The following FAT3 variants were observed in gnomAD, a reference collection of about 807,000 sequenced individuals.
FAT3 encodes FAT atypical cadherin 3, also known as protocadherin Fat 3.
In FAT3, 95 loss-of-function variants were observed where a neutral mutation model predicts 310.2. The ratio of observed to expected loss-of-function variants is 0.31; its 90% confidence interval spans 0.26 to 0.36. The LOEUF (loss-of-function observed/expected upper bound fraction) is 0.36. FAT3 is among the 10% of genes least tolerant of loss of function. The pLI is 1.00. For synonymous variants in FAT3, 2,314 were observed against 2,192.9 expected (o/e 1.06, Z -1.54); for missense variants, 5,408 against 5,715.6 (o/e 0.95, Z 1.74).
At chr11:92,494,506 G>A (rs760183783) in intron 2 of FAT3, among the ~76,000 whole-genome samples, 20 of 151,988 alleles carry the variant, frequency 1.3e-4, no homozygotes, top group Non-Finnish European at 2.8e-4. Flanking sequence ...TGATCACCAT[G>A]TATAAACTAC....
intron 1 of FAT3, among the ~76,000 whole-genome samples, chr11:92,316,292 G>T (rs1947459513): frequency 6.6e-6 from 1 of 152,116 alleles, no homozygotes; most frequent in East Asian, 1.9e-4. Flanking sequence ...TCACTGAAAA[G>T]GAGTGAGATT....
At chr11:92,280,119 T>C (rs1412678443) in intron 1 of FAT3, among the ~76,000 whole-genome samples, 1 of 152,168 alleles carries the variant, frequency 6.6e-6, no homozygotes, top group East Asian at 1.9e-4. Flanking sequence ...ACTATATTGT[T>C]GAACTAGTGC....
chr11:92,776,272 A>G (rs949429068), intron 7 of FAT3, among the ~76,000 whole-genome samples: 5 of 152,242 alleles, frequency 3.3e-5, no homozygotes, highest in African/African-American at 9.6e-5. Context: ...AATGAATAGT[A>G]GATACATATT....
At chr11:92,569,435 T>C (rs1955593246) in intron 3 of FAT3, among the ~76,000 whole-genome samples, 1 of 152,108 alleles carries the variant, frequency 6.6e-6, no homozygotes, top group Non-Finnish European at 1.5e-5. Flanking sequence ...TATCAGGCTT[T>C]TGTTTGTTTT....
chr11:92,426,280 G>A (rs1466862830), intron 2 of FAT3, among the ~76,000 whole-genome samples: 2 of 151,908 alleles, frequency 1.3e-5, no homozygotes, highest in Admixed American at 1.3e-4. Flanking sequence ...CTGGATATTA[G>A]CCCTTTGTCA....
chr11:92,239,132 T>A (rs935651403), intron 1 of FAT3, among the ~76,000 whole-genome samples: 14 of 152,102 alleles, frequency 9.2e-5, no homozygotes, highest in African/African-American at 3.4e-4. Context: ...CTAAGTGACT[T>A]GCCCAAGGTA....
rs529931374 is a variant in FAT3 at position 92,570,841 on chromosome 11, A to G, written c.3607+45893A>G. Among the ~76,000 whole-genome samples the G allele has an allele frequency of 3.9e-5, 6 of 152,296 alleles. No individual in the cohort carries two copies. In the South Asian group the frequency reaches 1.2e-3, roughly 32 times the overall value. On this transcript the variant is annotated intron_variant, in intron 3 of 27. Transcript: ENST00000525166. ...ATTGCTTAGTAGCTTGTGGAACTAA[A>G]CTATGAGCAAGATATGATTTCAGTG...
intron 2 of FAT3, among the ~76,000 whole-genome samples, chr11:92,423,568 C>T (rs549992706): frequency 6.6e-6 from 1 of 152,312 alleles, no homozygotes; most frequent in South Asian, 2.1e-4. Flanking sequence ...CACACTGCCT[C>T]ACGCTAATTA....
intron 2 of FAT3, among the ~76,000 whole-genome samples, chr11:92,435,113 G>T (rs1363933602): frequency 6.6e-6 from 1 of 152,088 alleles, no homozygotes. Flanking sequence ...ACCTCCACCT[G>T]GCAAGAGTGA....
chr11:92,566,708 G>T (rs540989742), intron 3 of FAT3, among the ~76,000 whole-genome samples: 12 of 151,510 alleles, frequency 7.9e-5, no homozygotes, highest in Non-Finnish European at 1.8e-4. Context: ...CAATGGAACA[G>T]AACAGAGCCC....
chr11:92,656,326 C>T (rs1942579175), intron 3 of FAT3, among the ~76,000 whole-genome samples: 2 of 152,310 alleles, frequency 1.3e-5, no homozygotes, highest in East Asian at 3.9e-4. Context: ...TTAAAATCTA[C>T]CATAGTGCTG....
chr11:92,229,489 C>A (rs1239923840), intron 1 of FAT3, among the ~76,000 whole-genome samples: 11 of 48,670 alleles, frequency 2.3e-4, no homozygotes, highest in African/African-American at 8.1e-4. Flanking sequence ...TTTGTTTTTT[C>A]GTGTTTTTTT....
intron 4 of FAT3, among the ~76,000 whole-genome samples, chr11:92,743,343 T>C (rs1438415675): frequency 6.6e-6 from 1 of 152,170 alleles, no homozygotes; most frequent in African/African-American, 2.4e-5. Flanking sequence ...ATTGACATGC[T>C]TGGAATTTCA....
At chr11:92,775,359 C>T (rs1946573276) in intron 7 of FAT3, among the ~76,000 whole-genome samples, 2 of 152,324 alleles carry the variant, frequency 1.3e-5, no homozygotes, top group African/African-American at 4.8e-5. Flanking sequence ...TATAATGCAA[C>T]TCTTTTCTTT....
Position 92,889,857 on chromosome 11 carries a change from G to T in FAT3, c.13113G>T (p.Val4371=). ...NNVVDTIENE[V]SVMDQGQNYN... is the part of the protein sequence containing the mutation. The stretch of plus-strand genomic sequence containing the variant: ...ACTTTTCACTTTGTATTTAAACAGT[G>T]TCTGTCATGGACCAAGGACAGAACT... The change falls in exon 27 of 28, where the codon GTG becomes GTT. Residue 4371 remains valine (V), a splice_region_variant and synonymous_variant. Transcript: ENST00000525166. The T allele has an allele frequency of 1.4e-6, 1 of 718,036 alleles. No individual in the cohort carries two copies. Among genetic ancestry groups the T allele is most frequent in the Non-Finnish European group, 2.6e-6 (1 of 385,214 alleles). The allele number at this position is 718,036 out of a possible 1,614,324, so 44.5% of individuals were successfully genotyped here. A position where few individuals can be genotyped will look rare whatever the true frequency, so the allele number is the denominator to read the frequency against.
At chr11:92,435,087 A>G (rs1168278840) in intron 2 of FAT3, among the ~76,000 whole-genome samples, 2 of 152,124 alleles carry the variant, frequency 1.3e-5, no homozygotes, top group African/African-American at 4.8e-5. Context: ...TTTCACCTAT[A>G]TCCTCCCCCT....
chr11:92,875,064 C>T (rs1213762653), intron 22 of FAT3, among the ~76,000 whole-genome samples: 2 of 151,406 alleles, frequency 1.3e-5, no homozygotes, highest in African/African-American at 4.9e-5. Flanking sequence ...GGGCTAATAC[C>T]AGGATAATGA....
At chr11:92,651,931 A>T (rs918792895) in intron 3 of FAT3, among the ~76,000 whole-genome samples, 1 of 152,192 alleles carries the variant, frequency 6.6e-6, no homozygotes, top group Non-Finnish European at 1.5e-5. Flanking sequence ...ATGAAAATCA[A>T]TTTGATCACT....
At chr11:92,564,367 G>A (rs1955351913) in intron 3 of FAT3, among the ~76,000 whole-genome samples, 2 of 150,360 alleles carry the variant, frequency 1.3e-5, no homozygotes, top group African/African-American at 2.5e-5. Flanking sequence ...CCCAATACAG[G>A]AGCACCCAGA....
Sources: allele counts gnomAD v4.1 joint callset (sites outside exome capture counted in the v4.1 genomes callset), GRCh38; gene constraint gnomAD v4.1.1; transcripts MANE v1.5; gene names NCBI Gene and HGNC (gene_info 2026-07-23, HGNC 2026-07-21).